HIP1: variants seen among roughly 807,000 people sequenced by gnomAD.
HIP1 encodes huntingtin-interacting protein 1.
HIP1 carries 65 observed loss-of-function variants against 147.6 expected under a neutral mutation model. That is an observed-to-expected ratio of 0.44 (90% CI 0.36 to 0.54). The LOEUF (loss-of-function observed/expected upper bound fraction) is 0.54. Among genes scored for constraint, HIP1 ranks in the 20% least tolerant of loss-of-function variants. The probability of loss-of-function intolerance (pLI) is 0.00; values close to 1 mark genes in which losing one functional copy is unlikely to be tolerated. For missense variants in HIP1, 1,061 were observed against 1,299.6 expected (o/e 0.82, Z 2.82); for synonymous variants, 479 against 504.0 (o/e 0.95, Z 0.67).
At chr7:75,677,680 A>G (rs1443797533) in intron 1 of HIP1, among the ~76,000 whole-genome samples, 1 of 150,838 alleles carries the variant, frequency 6.6e-6, no homozygotes, top group Non-Finnish European at 1.5e-5. Context: ...TCACAGAATG[A>G]CTATTCTCTG....
chr7:75,688,447 C>T (rs1800338984), intron 1 of HIP1, among the ~76,000 whole-genome samples: 2 of 151,654 alleles, frequency 1.3e-5, no homozygotes, highest in African/African-American at 4.8e-5. Flanking sequence ...GATGAGCTGT[C>T]GGTGGAGCCC....
intron 11 of HIP1, 104 bp from the exon 12 acceptor site, chr7:75,562,274 C>T (rs1377990502): frequency 2.3e-5 from 17 of 752,876 alleles, no homozygotes; most frequent in Middle Eastern, 2.6e-4. Flanking sequence ...TCGAATTAAA[C>T]GGTTCAGACC....
intron 1 of HIP1, among the ~76,000 whole-genome samples, chr7:75,659,905 A>G (rs879981956): frequency 6.6e-6 from 1 of 152,034 alleles, no homozygotes; most frequent in African/African-American, 2.4e-5. Context: ...AGGTGGGTGG[A>G]TCACGAGGTC....
intron 1 of HIP1, among the ~76,000 whole-genome samples, chr7:75,650,451 A>ATTTTTTTTTTTT (rs1798934305): frequency 1.9e-5 from 2 of 104,998 alleles, no homozygotes; most frequent in African/African-American, 3.9e-5. Context: ...CTGCCCAGTT[A>ATTTTTTTTTTTT]TCTTTTTTTT....
chr7:75,649,093 C>T (rs1438302246), intron 1 of HIP1, among the ~76,000 whole-genome samples: 3 of 152,046 alleles, frequency 2.0e-5, no homozygotes, highest in Non-Finnish European at 2.9e-5. Flanking sequence ...GGCATGATTC[C>T]GGCTCACCGC....
intron 1 of HIP1, among the ~76,000 whole-genome samples, chr7:75,622,935 C>A (rs1033829886): frequency 6.6e-6 from 1 of 151,518 alleles, no homozygotes; most frequent in Admixed American, 6.6e-5. Context: ...TGGTGGCTCA[C>A]GCCTGTAATC....
At position 75,622,169 on chromosome 7, in the gene HIP1, C is replaced by T. The variant is rs373501653; in HGVS notation, c.121-22922G>A. Among the ~76,000 whole-genome samples the T allele has an allele frequency of 9.2e-5, 14 of 151,898 alleles. 1 individual carries two copies. The highest frequency in any genetic ancestry group is 8.3e-4 in the South Asian group (4 of 4,810). ...GGTGGTGCACGCCACCCAGCTGACT[C>T]GGGAGGCTAAGGCAGAAGAATTGCT... On this transcript the variant is annotated intron_variant, in intron 1 of 30. Coordinates refer to ENST00000336926, the MANE Select transcript of HIP1 (RefSeq NM_005338.7).
chr7:75,548,783 G>A (rs782085516), intron 23 of HIP1, 108 bp downstream of exon 23: 2 of 850,492 alleles, frequency 2.4e-6, no homozygotes, highest in Non-Finnish European at 4.0e-6. Context: ...TTCTGTCTTA[G>A]GGGGTTGCCA....
chr7:75,579,488 C>A (rs1475033041), intron 7 of HIP1, among the ~76,000 whole-genome samples: 17 of 152,050 alleles, frequency 1.1e-4, no homozygotes, highest in Non-Finnish European at 2.9e-5. Context: ...GACAGGGTTT[C>A]ACCATGTTGC....
chr7:75,556,247 C>T, intron 17 of HIP1, 78 bp from the exon 18 acceptor site: 3 of 1,522,192 alleles, frequency 2.0e-6, no homozygotes, highest in Non-Finnish European at 2.7e-6. Context: ...TCCAACCCAC[C>T]ACCGGGTTGC....
chr7:75,582,192 T>C, intron 5 of HIP1, 41 bp from the exon 6 acceptor site: 2 of 1,515,118 alleles, frequency 1.3e-6, no homozygotes, highest in Non-Finnish European at 1.8e-6. Context: ...GCAGAAGACA[T>C]GAAGAGCCCT....
At chr7:75,689,049 G>C (rs1037150965) in intron 1 of HIP1, among the ~76,000 whole-genome samples, 4 of 152,070 alleles carry the variant, frequency 2.6e-5, no homozygotes, top group Admixed American at 6.6e-5. Context: ...GGTGGGCCTC[G>C]ATTTCTGCCT....
intron 30 of HIP1, among the ~76,000 whole-genome samples, chr7:75,539,087 A>C (rs1424674574): frequency 1.3e-5 from 2 of 152,214 alleles, no homozygotes; most frequent in Non-Finnish European, 1.5e-5. Context: ...GTTATGATCA[A>C]TGTTTAGGTC....
Position 75,538,306 on chromosome 7 carries a change from G to A in HIP1, c.3062-82C>T, listed in dbSNP as rs587744291. ...AACCAACAAAACCTGCCACCATGGG[G>A]GCTCAAAAATACATTATAATTATAA... On this transcript the variant is annotated intron_variant, in intron 30 of 30. Transcript: ENST00000336926. 3.2e-3 allele frequency: 3,263 copies of A among 1,028,750 alleles called. 19 individuals are homozygous for A. Among genetic ancestry groups the A allele is most frequent in the Non-Finnish European group, 3.1e-3 (1,989 of 646,870 alleles). The allele number at this position is 1,028,750 out of a possible 1,614,324, so 63.7% of individuals were successfully genotyped here.
chr7:75,705,831 T>A (rs1177699247), intron 1 of HIP1, among the ~76,000 whole-genome samples: 3 of 152,190 alleles, frequency 2.0e-5, no homozygotes, highest in Non-Finnish European at 2.9e-5. Context: ...CTTCAATTCT[T>A]TTGGGTGTCT....
intron 1 of HIP1, among the ~76,000 whole-genome samples, chr7:75,615,891 G>C (rs1815197021): frequency 6.6e-6 from 1 of 151,992 alleles, no homozygotes. Flanking sequence ...TTTGAGACCA[G>C]CATGGTCAAT....
intron 9 of HIP1, 51 bp from the exon 10 acceptor site, chr7:75,563,314 T>A: frequency 6.4e-7 from 1 of 1,561,706 alleles, no homozygotes; most frequent in Non-Finnish European, 8.8e-7. Flanking sequence ...ATCAGCCCCA[T>A]GTAGGGGACA....
At chr7:75,642,597 G>T (rs1554510641) in intron 1 of HIP1, among the ~76,000 whole-genome samples, 1 of 152,122 alleles carries the variant, frequency 6.6e-6, no homozygotes, top group African/African-American at 2.4e-5. Flanking sequence ...AGACATATCT[G>T]CCCCCATTCT....
chr7:75,706,110 G>C (rs1312017497), intron 1 of HIP1, among the ~76,000 whole-genome samples: 1 of 152,060 alleles, frequency 6.6e-6, no homozygotes, highest in Admixed American at 6.6e-5. Flanking sequence ...GGCCAGGCTG[G>C]TCTCGAACTC....
Sources: allele counts gnomAD v4.1 joint callset (sites outside exome capture counted in the v4.1 genomes callset), GRCh38; gene constraint gnomAD v4.1.1; transcripts MANE v1.5; gene names NCBI Gene and HGNC (gene_info 2026-07-23, HGNC 2026-07-21).